EPB41L3: variants seen among roughly 807,000 people sequenced by gnomAD.
The protein encoded by EPB41L3 is erythrocyte membrane protein band 4.1 like 3, also known as band 4.1-like protein 3.
Under a neutral mutation model 127.1 loss-of-function variants are expected in EPB41L3, and 57 were observed. The ratio of observed to expected loss-of-function variants is 0.45; its 90% confidence interval spans 0.36 to 0.56. EPB41L3 has a LOEUF of 0.56. EPB41L3 is among the 20% of genes least tolerant of loss of function. EPB41L3 has a pLI of 0.00. For missense variants in EPB41L3, 1,273 were observed against 1,372.2 expected, an observed-to-expected ratio of 0.93 and a Z score of 1.14; for synonymous variants, 572 against 549.5, an observed-to-expected ratio of 1.04 and a Z score of -0.57.
In EPB41L3 at chr18:5,414,308, T is replaced by C. The variant is rs911165676; in HGVS notation, c.2067+1510A>G. 6.5e-4 allele frequency among the ~76,000 whole-genome samples: 99 copies of C among 152,344 alleles called. 1 individual carries two copies. Among genetic ancestry groups the C allele is most frequent in the Non-Finnish European group, 1.0e-4 (7 of 68,026 alleles). On this transcript the variant is annotated intron_variant, in intron 13 of 22. Coordinates refer to ENST00000341928, the MANE Select transcript of EPB41L3 (RefSeq NM_012307.5). ...TTCCATGTATAAAAAGTTATTTATA[T>C]ATCAGTTGGAGCAAATCGTTATATA...
intron 1 of EPB41L3, among the ~76,000 whole-genome samples, chr18:5,516,538 G>A (rs944057187): frequency 2.0e-5 from 3 of 152,282 alleles, no homozygotes; most frequent in South Asian, 4.1e-4. Flanking sequence ...ACACTATCAC[G>A]TCCGCTGAAG....
chr18:5,500,167 C>T (rs2091610524), intron 1 of EPB41L3, among the ~76,000 whole-genome samples: 1 of 151,826 alleles, frequency 6.6e-6, no homozygotes, highest in African/African-American at 2.4e-5. Flanking sequence ...AATGTCCAAC[C>T]CTGTTTAAAA....
intron 12 of EPB41L3, among the ~76,000 whole-genome samples, chr18:5,417,876 T>A (rs1430361831): frequency 6.6e-6 from 1 of 152,162 alleles, no homozygotes; most frequent in Admixed American, 6.5e-5. Context: ...AACTTCTGCA[T>A]GAAGACAACT....
chr18:5,428,609 C>T, intron 8 of EPB41L3, 144 bp from the exon 9 acceptor site: 2 of 915,812 alleles, frequency 2.2e-6, no homozygotes, highest in East Asian at 2.5e-5. Context: ...TAAAACATTA[C>T]CATTAAACAT....
chr18:5,558,845 C>G (rs548282132), intron 3 of EPB41L3, among the ~76,000 whole-genome samples: 62 of 152,224 alleles, frequency 4.1e-4, no homozygotes, highest in Non-Finnish European at 8.1e-4. Context: ...GAGTCATTCT[C>G]TAGACGAGGA....
At chr18:5,496,466 G>A (rs950128909) in intron 1 of EPB41L3, among the ~76,000 whole-genome samples, 1 of 152,238 alleles carries the variant, frequency 6.6e-6, no homozygotes, top group Non-Finnish European at 1.5e-5. Flanking sequence ...TTCAGTGACA[G>A]TATTAATAGG....
intron 2 of EPB41L3, chr18:5,479,663 G>T (rs2088011435): frequency 6.6e-6 from 1 of 151,780 alleles, no homozygotes; most frequent in Admixed American, 6.6e-5. Context: ...CTTAAGAATT[G>T]AAAGAGACCA....
intron 3 of EPB41L3, among the ~76,000 whole-genome samples, chr18:5,588,175 A>C (rs888966521): frequency 1.3e-5 from 2 of 152,218 alleles, no homozygotes; most frequent in African/African-American, 4.8e-5. Context: ...TGAGTGCAAT[A>C]AACTTGGAAA....
upstream of EPB41L3, chr18:5,630,631 A>G (rs1368036188): frequency 4.5e-6 from 2 of 441,366 alleles, no homozygotes; most frequent in East Asian, 6.9e-5. Flanking sequence ...GGCACCTCCA[A>G]GTTGCCACCT....
rs181845489 is a variant in EPB41L3 at position 5,452,979 on chromosome 18, G to A, written c.382-7735C>T. Among the ~76,000 whole-genome samples the A allele has an allele frequency of 1.0e-3, 155 of 152,258 alleles. 1 individual carries two copies. Among genetic ancestry groups the A allele is most frequent in the African/African-American group, 3.6e-3 (148 of 41,562 alleles). On this transcript the variant is annotated intron_variant, in intron 3 of 22. Transcript: ENST00000341928. ...CTAGCAGGTGACTGGGGTGACTGAC[G>A]GGTACAAACACCTGGCACTGAGGCC...
chr18:5,542,124 T>C (rs1250780535), intron 1 of EPB41L3, among the ~76,000 whole-genome samples: 1 of 152,222 alleles, frequency 6.6e-6, no homozygotes, highest in East Asian at 1.9e-4. Flanking sequence ...GTTTTTAAAG[T>C]TTGATACCAA....
chr18:5,487,400 T>C (rs1220032607), intron 2 of EPB41L3, among the ~76,000 whole-genome samples: 1 of 149,370 alleles, frequency 6.7e-6, no homozygotes, highest in Non-Finnish European at 1.5e-5. Context: ...AAATATAATA[T>C]ATATATTTTT....
At chr18:5,407,822 T>A in intron 14 of EPB41L3, 86 bp from the exon 15 acceptor site, 1 of 1,316,782 alleles carries the variant, frequency 7.6e-7, no homozygotes, top group Non-Finnish European at 1.1e-6. Context: ...ATAGACTTGC[T>A]AAATGTGGGC....
At chr18:5,425,584 C>T (rs1462097150) in intron 9 of EPB41L3, among the ~76,000 whole-genome samples, 1 of 152,122 alleles carries the variant, frequency 6.6e-6, no homozygotes, top group African/African-American at 2.4e-5. Context: ...GATGCAGGCT[C>T]CTAGACTACC....
chr18:5,564,176 T>C (rs1407884235), intron 3 of EPB41L3, among the ~76,000 whole-genome samples: 1 of 152,108 alleles, frequency 6.6e-6, no homozygotes, highest in Non-Finnish European at 1.5e-5. Flanking sequence ...ATTCTGTGTA[T>C]CAAGGAGTGA....
At chr18:5,499,075 C>T (rs1271275689) in intron 1 of EPB41L3, among the ~76,000 whole-genome samples, 1 of 151,658 alleles carries the variant, frequency 6.6e-6, no homozygotes, top group Non-Finnish European at 1.5e-5. Flanking sequence ...ACAGGGATGA[C>T]GCCTGAGAAC....
rs777626371 is a variant in EPB41L3 at position 5,395,660 on chromosome 18, C to T, written c.3021G>A (p.Gln1007=). 18 of 1,614,082 alleles carry T rather than the reference C, an allele frequency of 1.1e-5. No individual in the cohort carries two copies. The highest frequency in any genetic ancestry group is 1.6e-4 in the Middle Eastern group (1 of 6,084). Residue 1007 remains glutamine, a synonymous_variant, in exon 20 of 23, where the codon CAG becomes CAA. Transcript: ENST00000341928. ...DLEPGVLMSA[Q]TITSETTSTT... is the part of the protein sequence containing the mutation. The stretch of plus-strand genomic sequence containing the variant: ...TACTGGTGGTTTCAGATGTGATCGT[C>T]TGTGCACTCATCAGCACGCCTGGCT...
intron 16 of EPB41L3, chr18:5,400,788 A>G (rs2074379549): frequency 1.7e-6 from 1 of 582,988 alleles, no homozygotes. Flanking sequence ...TGCATAACTG[A>G]TAACTAAAAT....
chr18:5,612,594 G>A (rs1013428454), intron 2 of EPB41L3, among the ~76,000 whole-genome samples: 1 of 152,138 alleles, frequency 6.6e-6, no homozygotes, highest in Non-Finnish European at 1.5e-5. Context: ...TATTTGTATT[G>A]GCCGAAGAGA....
Sources: gnomAD v4.1 joint callset for allele counts (sites outside exome capture counted in the v4.1 genomes callset) on GRCh38, gnomAD v4.1.1 for gene constraint, MANE v1.5 for transcripts, NCBI Gene and HGNC (gene_info 2026-07-23, HGNC 2026-07-21) for gene names.